Variants in MAGOHB observed in about 807,000 individuals in gnomAD.
The protein encoded by MAGOHB is protein mago nashi homolog 2.
MAGOHB carries 15 observed loss-of-function variants against 20.9 expected under a neutral mutation model. The ratio of observed to expected loss-of-function variants is 0.72; its 90% CI spans 0.48 to 1.11. The LOEUF (loss-of-function observed/expected upper bound fraction) is 1.11, where lower values mean the gene tolerates loss of function less well. MAGOHB is among the 50% of genes least tolerant of loss of function. MAGOHB has a pLI of 0.00. For synonymous variants in MAGOHB, 50 were observed against 57.9 expected (o/e 0.86, Z 0.62); for missense variants, 162 against 177.6 (o/e 0.91, Z 0.50).
chr12:10,609,322 C>G lies in MAGOHB; in HGVS notation c.264+509G>C, dbSNP rs779051867. 1.2e-5 allele frequency: 5 copies of G among 410,790 alleles called. No homozygotes were observed. In the East Asian group the frequency reaches 3.6e-4, roughly 29 times the overall value. The allele number at this position is 410,790 out of a possible 1,614,324, so 25.4% of individuals were successfully genotyped here. On this transcript the variant is annotated intron_variant, in intron 3 of 4. Coordinates refer to ENST00000320756, the MANE Select transcript of MAGOHB (RefSeq NM_018048.5). The stretch of plus-strand genomic sequence containing the variant: ...AGACCCAATTCAGAAACCAAACTTT[C>G]TTTTTACAGAGTGAAATTAGGCCTT...
At chr12:10,607,979 T>C in intron 3 of MAGOHB, 43 bp from the exon 4 acceptor site, 1 of 1,198,096 alleles carries the variant, frequency 8.3e-7, no homozygotes, top group East Asian at 2.4e-5. Flanking sequence ...TAAAAATCTA[T>C]CCCAGAGGTA....
At chr12:10,602,721 A>G (rs1446836828), downstream of MAGOHB, among the ~76,000 whole-genome samples, 1 of 152,202 alleles carries the variant, frequency 6.6e-6, no homozygotes, top group Non-Finnish European at 1.5e-5. Context: ...CCTTTCCTGC[A>G]AAAGCCCTTT....
chr12:10,606,170 ATTT>A lies in MAGOHB; in HGVS notation c.*102_*104del, dbSNP rs369052516. 1 of 597,420 alleles carries A rather than the reference ATTT, an allele frequency of 1.7e-6. No individual in the cohort carries two copies. Among genetic ancestry groups the A allele is most frequent in the African/African-American group, 1.9e-5 (1 of 51,326 alleles). 37.0% of individuals were successfully genotyped at this position (597,420 alleles called of 1,614,324 possible). On this transcript the variant is annotated 3_prime_UTR_variant, in exon 5 of 5. Transcript: ENST00000320756. Reference sequence around the variant, plus strand: ...TTTCTTATTTTCAGTTTACATACAAATTTTTTTTGTTTGCTTCACATTCATAAA... The same window carrying A: ...TTTCTTATTTTCAGTTTACATACAAATTTTTGTTTGCTTCACATTCATAAA...
At chr12:10,606,607 T>C (rs980117502) in intron 4 of MAGOHB, among the ~76,000 whole-genome samples, 4 of 152,068 alleles carry the variant, frequency 2.6e-5, no homozygotes, top group African/African-American at 4.8e-5. Flanking sequence ...ATCCTTATGA[T>C]TGTAATAACC....
downstream of MAGOHB, among the ~76,000 whole-genome samples, chr12:10,603,372 CTG>C (rs926708117): frequency 1.3e-5 from 2 of 150,936 alleles, no homozygotes; most frequent in African/African-American, 2.4e-5. Context: ...CCTAATCACC[CTG>C]TTTGTCTTTC....
chr12:10,607,805 G>A (rs1159511048), intron 4 of MAGOHB, 49 bp downstream of exon 4: 1 of 990,296 alleles, frequency 1.0e-6, no homozygotes, highest in East Asian at 2.5e-5. Flanking sequence ...GTTCTAAAAT[G>A]AGCCTCTGTA....
chr12:10,600,917 ATCATCATGTG>A (rs1011909340), downstream of MAGOHB, among the ~76,000 whole-genome samples: 10 of 150,212 alleles, frequency 6.7e-5, no homozygotes, highest in African/African-American at 2.5e-4. Context: ...AGTCGGCCAC[ATCATCATGTG>A]CAGGCCATCA....
downstream of MAGOHB, among the ~76,000 whole-genome samples, chr12:10,600,397 CTTTTT>C (rs879519874): frequency 7.0e-5 from 10 of 143,728 alleles, no homozygotes; most frequent in Non-Finnish European, 1.5e-4. Context: ...TTGGTCTGTA[CTTTTT>C]TTTTTTAGGG....
At chr12:10,612,201 A>G (rs1270275234) in intron 1 of MAGOHB, among the ~76,000 whole-genome samples, 1 of 87,608 alleles carries the variant, frequency 1.1e-5, no homozygotes, top group Non-Finnish European at 2.9e-5. Context: ...ATAACATAAC[A>G]TAACATAACA....
chr12:10,608,501 T>C (rs1276973043), intron 3 of MAGOHB: 1 of 151,578 alleles, frequency 6.6e-6, no homozygotes, highest in East Asian at 1.9e-4. Flanking sequence ...TACTTGTTGA[T>C]ATTTATAACC....
Position 10,610,601 on chromosome 12 carries a change from AGACATTCACATAG to A in MAGOHB, c.153+8_153+20del. 2 of 1,354,544 alleles carry A rather than the reference AGACATTCACATAG, an allele frequency of 1.5e-6. No homozygotes were observed. Among genetic ancestry groups the A allele is most frequent in the East Asian group, 3.0e-5 (1 of 33,306 alleles). The allele number at this position is 1,354,544 out of a possible 1,614,324, so 83.9% of individuals were successfully genotyped here. A position where few individuals can be genotyped will look rare whatever the true frequency, so the allele number is the denominator to read the frequency against. The stretch of plus-strand genomic sequence containing the variant: ...GCAAAAAAAAAAAAAAAAAAAAAAA[AGACATTCACATAG>A]AACTTACCTCTTTTCTGATCATGAC... On this transcript the variant is annotated splice_region_variant and intron_variant, in intron 2 of 4. Transcript: ENST00000320756.
chr12:10,608,726 G>A (rs1261642935), intron 3 of MAGOHB: 1 of 151,656 alleles, frequency 6.6e-6, no homozygotes, highest in Non-Finnish European at 1.5e-5. Context: ...TATCTGTAAT[G>A]AATCTTCAAG....
downstream of MAGOHB, among the ~76,000 whole-genome samples, chr12:10,600,238 AAAT>A (rs1565547500): frequency 6.6e-6 from 1 of 151,998 alleles, no homozygotes; most frequent in Non-Finnish European, 1.5e-5. Context: ...ATTTTCTAAT[AAAT>A]AATATGTATT....
downstream of MAGOHB, among the ~76,000 whole-genome samples, chr12:10,601,494 G>A (rs1278563347): frequency 6.6e-6 from 1 of 152,162 alleles, no homozygotes; most frequent in Non-Finnish European, 1.5e-5. Context: ...GGCAAATCTG[G>A]CTTGAAATGC....
chr12:10,609,348 C>A, intron 3 of MAGOHB: 1 of 437,350 alleles, frequency 2.3e-6, no homozygotes, highest in Non-Finnish European at 4.6e-6. Context: ...ATTAGGCCTT[C>A]AGAGTTCTTC....
At chr12:10,612,456 T>C (rs1018902062) in intron 1 of MAGOHB, among the ~76,000 whole-genome samples, 2 of 152,102 alleles carry the variant, frequency 1.3e-5, no homozygotes, top group African/African-American at 4.8e-5. Flanking sequence ...CTGCCTGAAA[T>C]GCTTGATACT....
downstream of MAGOHB, among the ~76,000 whole-genome samples, chr12:10,603,640 TCCA>T (rs1487241257): frequency 6.6e-6 from 1 of 152,184 alleles, no homozygotes; most frequent in African/African-American, 2.4e-5. Context: ...TAGTATTCTC[TCCA>T]CCACATCACA....
downstream of MAGOHB, among the ~76,000 whole-genome samples, chr12:10,602,797 C>G (rs1187659254): frequency 6.6e-6 from 1 of 152,120 alleles, no homozygotes; most frequent in Non-Finnish European, 1.5e-5. Context: ...AAGCTTAGAA[C>G]AGCTTCTAGT....
At chr12:10,612,585 G>A (rs1865768043) in intron 1 of MAGOHB, 2 of 827,696 alleles carry the variant, frequency 2.4e-6, no homozygotes, top group African/African-American at 3.7e-5. Flanking sequence ...AAATGTCTGT[G>A]CCTCCCACCA....
Sources: allele counts gnomAD v4.1 joint callset (sites outside exome capture counted in the v4.1 genomes callset), GRCh38; gene constraint gnomAD v4.1.1; transcripts MANE v1.5; gene names NCBI Gene and HGNC (gene_info 2026-07-23, HGNC 2026-07-21).